The following ST6GALNAC5 variants were observed in gnomAD, a reference collection of about 807,000 sequenced individuals.
ST6GALNAC5 encodes the protein alpha-N-acetylgalactosaminide alpha-2,6-sialyltransferase 5.
In ST6GALNAC5, 27 loss-of-function variants were observed where a neutral mutation model predicts 33.6. That is an observed-to-expected ratio of 0.80 (90% CI 0.59 to 1.11). The LOEUF is 1.11. Among genes scored for constraint, ST6GALNAC5 ranks in the 50% least tolerant of loss-of-function variants. The pLI is 0.00. For missense variants in ST6GALNAC5, 428 were observed against 454.0 expected (o/e 0.94, Z 0.52); for synonymous variants, 194 against 171.2 (o/e 1.13, Z -1.04).
intron 2 of ST6GALNAC5, among the ~76,000 whole-genome samples, chr1:76,965,000 T>A (rs1648399919): frequency 6.6e-6 from 1 of 152,202 alleles, no homozygotes; most frequent in Admixed American, 6.5e-5. Flanking sequence ...CTTAATCCAG[T>A]CTATCATTGA....
chr1:76,889,924 TA>T (rs1253134373), intron 2 of ST6GALNAC5, among the ~76,000 whole-genome samples: 1 of 152,192 alleles, frequency 6.6e-6, no homozygotes, highest in African/African-American at 2.4e-5. Flanking sequence ...ATAACATTAA[TA>T]ACTTAAACCT....
intron 2 of ST6GALNAC5, among the ~76,000 whole-genome samples, chr1:76,943,299 A>G (rs1647400414): frequency 6.6e-6 from 1 of 152,110 alleles, no homozygotes; most frequent in Non-Finnish European, 1.5e-5. Context: ...GTTTGGCTCT[A>G]GGGTCCACAG....
intron 2 of ST6GALNAC5, among the ~76,000 whole-genome samples, chr1:76,966,018 T>C (rs546160816): frequency 1.3e-3 from 202 of 152,340 alleles, no homozygotes; most frequent in Non-Finnish European, 2.3e-3. Context: ...AGCCTTGTAG[T>C]AGAGTTTGAA....
intron 2 of ST6GALNAC5, among the ~76,000 whole-genome samples, chr1:76,947,229 G>A (rs76036201): frequency 0.015 from 2,291 of 152,040 alleles, 56 homozygotes; most frequent in African/African-American, 0.053. Flanking sequence ...GCAATATCTT[G>A]AGCTTTTTAC....
At chr1:76,880,193 C>T (rs572251510) in intron 2 of ST6GALNAC5, among the ~76,000 whole-genome samples, 227 of 152,172 alleles carry the variant, frequency 1.5e-3, no homozygotes, top group Non-Finnish European at 1.9e-3. Flanking sequence ...AACTCCTTGC[C>T]TCTTAGGAGC....
At chr1:76,925,085 G>A (rs1272315519) in intron 2 of ST6GALNAC5, among the ~76,000 whole-genome samples, 3 of 151,992 alleles carry the variant, frequency 2.0e-5, no homozygotes, top group South Asian at 4.1e-4. Flanking sequence ...CACACGGCAA[G>A]AGCAGAAGCA....
At chr1:77,055,823 T>C (rs778879852) in intron 4 of ST6GALNAC5, among the ~76,000 whole-genome samples, 7 of 152,228 alleles carry the variant, frequency 4.6e-5, no homozygotes, top group Non-Finnish European at 1.0e-4. Flanking sequence ...CACATTTGTA[T>C]CATTAGCACT....
At chr1:77,007,203 C>T (rs1445318375) in intron 2 of ST6GALNAC5, among the ~76,000 whole-genome samples, 1 of 152,168 alleles carries the variant, frequency 6.6e-6, no homozygotes, top group African/African-American at 2.4e-5. Context: ...AACTTAACTG[C>T]TTGATTCAGT....
chr1:76,875,004 G>A (rs1653604090), intron 2 of ST6GALNAC5, among the ~76,000 whole-genome samples: 1 of 152,160 alleles, frequency 6.6e-6, no homozygotes, highest in African/African-American at 2.4e-5. Flanking sequence ...ATACTTAAAT[G>A]CTGATATGCA....
intron 2 of ST6GALNAC5, among the ~76,000 whole-genome samples, chr1:76,977,376 T>A (rs1440586409): frequency 1.3e-5 from 2 of 152,184 alleles, no homozygotes; most frequent in African/African-American, 4.8e-5. Context: ...TGTTATTTAT[T>A]ACAGTTGCCT....
At chr1:76,991,127 C>T (rs1649708486) in intron 2 of ST6GALNAC5, among the ~76,000 whole-genome samples, 1 of 152,022 alleles carries the variant, frequency 6.6e-6, no homozygotes, top group African/African-American at 2.4e-5. Flanking sequence ...TTAAGTCCTC[C>T]TATGATGGGG....
chr1:76,974,206 A>G (rs929035377), intron 2 of ST6GALNAC5, among the ~76,000 whole-genome samples: 1 of 125,072 alleles, frequency 8.0e-6, no homozygotes, highest in Non-Finnish European at 1.7e-5. Flanking sequence ...TTTGCTTTTC[A>G]CTTTTTTTTT....
intron 2 of ST6GALNAC5, among the ~76,000 whole-genome samples, chr1:76,992,162 T>G (rs1460817471): frequency 6.6e-6 from 1 of 152,170 alleles, no homozygotes; most frequent in African/African-American, 2.4e-5. Context: ...ATAGCTCATG[T>G]CTTCCCTGCT....
chr1:77,046,977 C>T (rs1214738306), intron 3 of ST6GALNAC5, among the ~76,000 whole-genome samples: 1 of 152,200 alleles, frequency 6.6e-6, no homozygotes, highest in East Asian at 1.9e-4. Context: ...GCATATCCTG[C>T]TCACTAAATT....
intron 2 of ST6GALNAC5, among the ~76,000 whole-genome samples, chr1:76,874,715 G>T (rs952345792): frequency 6.6e-6 from 1 of 152,044 alleles, no homozygotes; most frequent in Non-Finnish European, 1.5e-5. Flanking sequence ...CTTCCCCAGC[G>T]CACTGACTCA....
chr1:77,039,754 C>T (rs533465321), intron 2 of ST6GALNAC5, among the ~76,000 whole-genome samples: 9 of 152,292 alleles, frequency 5.9e-5, no homozygotes, highest in Non-Finnish European at 1.2e-4. Context: ...TGAGGCTTTA[C>T]GGAAAATGTT....
At chr1:76,894,249 G>A (rs1654075550) in intron 2 of ST6GALNAC5, among the ~76,000 whole-genome samples, 1 of 152,136 alleles carries the variant, frequency 6.6e-6, no homozygotes, top group Non-Finnish European at 1.5e-5. Context: ...AATTTGCCTT[G>A]AATCTACTTT....
chr1:76,868,748 A>G lies in ST6GALNAC5; in HGVS notation c.261+6A>G. ...TCGGAGTGGCGGACCACAAGGTGAC[A>G]GCATGCCCGCCAGCCCGCTCGCCAC... is the stretch of plus-strand genomic sequence containing the variant. On this transcript the variant is annotated splice_donor_region_variant and intron_variant, in intron 2 of 4. Coordinates refer to ENST00000477717, the MANE Select transcript of ST6GALNAC5 (RefSeq NM_030965.3). This position sits in a 1 kb window ranked among gnomAD's most constrained non-coding sequence, Gnocchi z 4.3. 1 of 1,488,446 alleles carries G rather than the reference A, an allele frequency of 6.7e-7. No homozygotes were observed. Among genetic ancestry groups the G allele is most frequent in the Non-Finnish European group, 8.9e-7 (1 of 1,122,944 alleles). The allele number at this position is 1,488,446 out of a possible 1,614,324, so 92.2% of individuals were successfully genotyped here. A position where few individuals can be genotyped will look rare whatever the true frequency, so the allele number is the denominator to read the frequency against.
chr1:76,990,320 T>A (rs1649674269), intron 2 of ST6GALNAC5, among the ~76,000 whole-genome samples: 2 of 152,206 alleles, frequency 1.3e-5, no homozygotes, highest in South Asian at 4.1e-4. Context: ...CTACAGGCAT[T>A]GCTCATTGTA....
Sources: gnomAD v4.1 joint callset for allele counts (sites outside exome capture counted in the v4.1 genomes callset) on GRCh38, gnomAD v4.1.1 for gene constraint, Gnocchi (gnomAD v3.1) non-coding constraint, MANE v1.5 for transcripts, NCBI Gene and HGNC (gene_info 2026-07-23, HGNC 2026-07-21) for gene names.